Variants in METTL8 observed in about 807,000 individuals in gnomAD.
METTL8 encodes methyltransferase 8, tRNA N3-cytidine.
Under a neutral mutation model 48.7 loss-of-function variants are expected in METTL8, and 32 were observed. That is an observed-to-expected ratio of 0.66 (90% CI 0.50 to 0.88). The LOEUF is 0.88. METTL8 is among the 40% of genes least tolerant of loss of function. The probability of loss-of-function intolerance (pLI) is 0.00; values close to 1 mark genes in which losing one functional copy is unlikely to be tolerated. For missense variants in METTL8, 464 were observed against 474.4 expected (o/e 0.98, Z 0.20); for synonymous variants, 136 against 157.1 (o/e 0.87, Z 1.01).
At chr2:171,330,886 G>C (rs376731126) in intron 6 of METTL8, among the ~76,000 whole-genome samples, 188 bp from the exon 7 acceptor site, 9 of 152,182 alleles carry the variant, frequency 5.9e-5, no homozygotes, top group East Asian at 5.8e-4. Flanking sequence ...ATTAAGGCTA[G>C]CTCTTGGCCT....
Position 171,326,084 on chromosome 2 carries a change from C to A in METTL8, c.925G>T (p.Asp309Tyr). 6.5e-7 allele frequency: 1 copy of A among 1,549,764 alleles called. No homozygotes were observed. The highest frequency in any genetic ancestry group is 8.7e-7 in the Non-Finnish European group (1 of 1,145,934). The change falls in exon 8 of 10, where the codon GAC becomes TAC. Residue 309 changes from aspartate (D) to tyrosine (Y), a missense_variant. Physicochemically the swap from Asp to Tyr is radical, Grantham distance 160. Transcript: ENST00000375258. ...LKPGGMLLFR[D>Y]YGRYDKTQLR... ...TGAGTCTTATCATATCTTCCATAGT[C>A]TCGAAATAACAGCATTCCCCCAGGT...
intron 2 of METTL8, among the ~76,000 whole-genome samples, chr2:171,364,353 GAAAAAGCCATC>G (rs1041682259): frequency 1.3e-5 from 2 of 151,742 alleles, no homozygotes; most frequent in African/African-American, 4.8e-5. Flanking sequence ...CCTTCTTGAG[GAAAAAGCCATC>G]AACCCTTATA....
rs1346261765 is a variant in METTL8 at position 171,337,498 on chromosome 2, C to G, written c.611G>C (p.Gly204Ala). ...SNATFRILEVGCGAGNSVFPI... is the reference protein window; with the variant it reads ...SNATFRILEVACGAGNSVFPI... ...AAACACACTATTTCCAGCTCCACAACCAACCTAAAATCAAAAGAACAAGCA... is the reference window on the plus strand; with the variant it reads ...AAACACACTATTTCCAGCTCCACAAGCAACCTAAAATCAAAAGAACAAGCA... Residue 204 changes from glycine to alanine, a missense_variant, in exon 5 of 10, where the codon GGT becomes GCT. By Grantham distance (60) the Gly-to-Ala change is moderately conservative (BLOSUM62 0). Transcript: ENST00000375258. 1 of 1,604,630 alleles carries G rather than the reference C, an allele frequency of 6.2e-7. No individual in the cohort carries two copies. Among genetic ancestry groups the G allele is most frequent in the African/African-American group, 1.3e-5 (1 of 74,636 alleles).
chr2:171,368,667 C>A (rs537793842), intron 2 of METTL8, among the ~76,000 whole-genome samples: 1 of 151,742 alleles, frequency 6.6e-6, no homozygotes, highest in Non-Finnish European at 1.5e-5. Context: ...TCCAAATTAT[C>A]CATGCATGAT....
At chr2:171,352,347 C>G (rs970824582) in intron 3 of METTL8, among the ~76,000 whole-genome samples, 4 of 152,064 alleles carry the variant, frequency 2.6e-5, no homozygotes, top group Non-Finnish European at 5.9e-5. Flanking sequence ...TTGATGTGCT[C>G]CTGGATTCAG....
chr2:171,377,801 A>T (rs1448726678), intron 2 of METTL8, among the ~76,000 whole-genome samples: 1 of 152,218 alleles, frequency 6.6e-6, no homozygotes, highest in Non-Finnish European at 1.5e-5. Flanking sequence ...TAGTACAATC[A>T]CTATGGAAAA....
chr2:171,337,436 A>G lies in METTL8; in HGVS notation c.656+17T>C, dbSNP rs756549614. The G allele has an allele frequency of 3.2e-6, 5 of 1,566,650 alleles. No homozygotes were observed. In the Admixed American group the frequency reaches 9.3e-5, roughly 29 times the overall value. On this transcript the variant is annotated intron_variant, in intron 5 of 9. Coordinates refer to ENST00000375258, the MANE Select transcript of METTL8 (RefSeq NM_001321154.2). ...AAATATGTAAAATTCTGTAGAAAGA[A>G]AACTCTTAAAACTCACTCCAAAGTG...
intron 1 of METTL8, among the ~76,000 whole-genome samples, chr2:171,394,558 G>A (rs1688879638): frequency 6.6e-6 from 1 of 152,144 alleles, no homozygotes; most frequent in South Asian, 2.1e-4. Context: ...GGTGTGGCCA[G>A]GGTCTAAATA....
chr2:171,434,585 C>T (rs766413776), upstream of METTL8: 5 of 1,527,314 alleles, frequency 3.3e-6, no homozygotes, highest in Non-Finnish European at 4.4e-6. Context: ...TCCATGGGCC[C>T]GACCCGGAAG....
Position 171,326,141 on chromosome 2 carries a change from C to G in METTL8, c.868G>C (p.Gly290Arg), listed in dbSNP as rs762942755. 4.0e-6 allele frequency: 6 copies of G among 1,516,684 alleles called. No individual in the cohort carries two copies. The African/African-American group carries it at 8.3e-5, about 21-fold the overall frequency. 94.0% of individuals were successfully genotyped at this position (1,516,684 alleles called of 1,614,324 possible). A position where few individuals can be genotyped will look rare whatever the true frequency, so the allele number is the denominator to read the frequency against. ...AACTTGGACAGTCGGTTTACAACAC[C>G]TTGCATCCTTTGGAAACAAAGTATT... ...LSSIHPDRMQ[G>R]VVNRLSKLLK... is the part of the protein sequence containing the mutation. Residue 290 changes from glycine (G) to arginine (R), a missense_variant, in exon 8 of 10, where the codon GGT becomes CGT. Physicochemically the swap from Gly to Arg is moderately radical, Grantham distance 125 (BLOSUM62 -2). Coordinates refer to ENST00000375258, the MANE Select transcript of METTL8 (RefSeq NM_001321154.2).
intron 2 of METTL8, among the ~76,000 whole-genome samples, chr2:171,383,296 C>T (rs1448205384): frequency 6.6e-6 from 1 of 152,092 alleles, no homozygotes; most frequent in Non-Finnish European, 1.5e-5. Context: ...AATCACATTG[C>T]AACACACAGT....
In METTL8 at chr2:171,397,287, G is replaced by A. The variant is rs1015605531; in HGVS notation, c.-12-5090C>T. 4.7e-5 allele frequency among the ~76,000 whole-genome samples: 7 copies of A among 147,818 alleles called. No individual in the cohort carries two copies. The Admixed American group carries it at 4.8e-4, about 10-fold the overall frequency. ...TCAGAGCTTTGGGAGGGAGGTCAAG[G>A]TGGGCAGATGGCTTGAGGCCAAGAC... On this transcript the variant is annotated intron_variant, in intron 1 of 9. Transcript: ENST00000375258.
intron 7 of METTL8, 97 bp downstream of exon 7, chr2:171,330,462 T>C: frequency 8.2e-7 from 1 of 1,215,822 alleles, no homozygotes. Context: ...CACTAAATAA[T>C]AAATTCAAAA....
chr2:171,403,517 G>A lies in METTL8; in HGVS notation c.-12-11320C>T, dbSNP rs80318077. Reference sequence around the variant, plus strand: ...TGACTACATGTAATGTGGTATCCTGGATGGAATCCTGGAACTCAAAAAAGT... The same window carrying A: ...TGACTACATGTAATGTGGTATCCTGAATGGAATCCTGGAACTCAAAAAAGT... On this transcript the variant is annotated intron_variant, in intron 1 of 9. Transcript: ENST00000375258. Among the ~76,000 whole-genome samples the A allele has an allele frequency of 2.5e-4, 38 of 152,188 alleles. No homozygotes were observed. In the East Asian group the frequency reaches 6.6e-3, roughly 26 times the overall value.
intron 1 of METTL8, among the ~76,000 whole-genome samples, chr2:171,392,549 T>G (rs1204775717): frequency 2.6e-5 from 4 of 152,166 alleles, no homozygotes; most frequent in East Asian, 1.9e-4. Context: ...TTTTATTTTT[T>G]GGGGGGTAAT....
Position 171,323,905 on chromosome 2 carries a change from T to A in METTL8, c.*267A>T. ...CATAATACTAACTTAATTGAATGCT[T>A]ATAAAAATCAAGGAACAAGCAAAAT... is the stretch of plus-strand genomic sequence containing the variant. On this transcript the variant is annotated 3_prime_UTR_variant, in exon 10 of 10. Coordinates refer to ENST00000375258, the MANE Select transcript of METTL8 (RefSeq NM_001321154.2). The A allele has an allele frequency of 3.2e-6, 1 of 315,448 alleles. No homozygotes were observed. The highest frequency in any genetic ancestry group is 5.7e-6 in the Non-Finnish European group (1 of 174,458). The allele number at this position is 315,448 out of a possible 1,614,324, so 19.5% of individuals were successfully genotyped here.
At chr2:171,354,784 T>C (rs1326361747) in intron 3 of METTL8, among the ~76,000 whole-genome samples, 1 of 152,214 alleles carries the variant, frequency 6.6e-6, no homozygotes, top group African/African-American at 2.4e-5. Context: ...GTCACATAGT[T>C]CTCGTGCCAT....
intron 3 of METTL8, among the ~76,000 whole-genome samples, chr2:171,344,689 A>G (rs557446251): frequency 1.3e-5 from 2 of 152,350 alleles, no homozygotes; most frequent in Non-Finnish European, 2.9e-5. Context: ...TGTGGGACAG[A>G]AACAAAACAG....
At chr2:171,397,495 A>G (rs976521175) in intron 1 of METTL8, among the ~76,000 whole-genome samples, 5 of 147,260 alleles carry the variant, frequency 3.4e-5, no homozygotes, top group Admixed American at 2.7e-4. Flanking sequence ...TCAAGGCTGC[A>G]GTGAACTATG....
Sources: gnomAD v4.1 joint callset for allele counts (sites outside exome capture counted in the v4.1 genomes callset) on GRCh38, gnomAD v4.1.1 for gene constraint, MANE v1.5 for transcripts, NCBI Gene and HGNC (gene_info 2026-07-23, HGNC 2026-07-21) for gene names.